Variants in PTPRD observed in about 807,000 individuals in gnomAD.
The protein encoded by PTPRD is protein tyrosine phosphatase receptor type D.
Under a neutral mutation model 214.5 loss-of-function variants are expected in PTPRD, and 34 were observed. That is an observed-to-expected ratio of 0.16 (90% CI 0.12 to 0.21). PTPRD has a LOEUF of 0.21. Among genes scored for constraint, PTPRD ranks in the 10% least tolerant of loss-of-function variants. The probability of loss-of-function intolerance (pLI) is 1.00; values close to 1 mark genes in which losing one functional copy is unlikely to be tolerated. For missense variants in PTPRD, 2,545 were observed against 2,398.7 expected, an observed-to-expected ratio of 1.06 and a Z score of -1.27; for synonymous variants, 1,128 against 845.7, an observed-to-expected ratio of 1.33 and a Z score of -5.79.
chr9:8,600,725 A>G (rs926856426), intron 14 of PTPRD, among the ~76,000 whole-genome samples: 2 of 151,846 alleles, frequency 1.3e-5, no homozygotes, highest in African/African-American at 2.4e-5. Flanking sequence ...CCTACTGACT[A>G]AAGAGCCCTT....
intron 10 of PTPRD, among the ~76,000 whole-genome samples, chr9:9,062,366 A>T (rs990713017): frequency 1.3e-5 from 2 of 152,210 alleles, no homozygotes; most frequent in Non-Finnish European, 2.9e-5. Context: ...TGGTGCAACT[A>T]ATAATTCATA....
At chr9:8,518,641 T>G (rs1347009172) in intron 20 of PTPRD, among the ~76,000 whole-genome samples, 1 of 152,354 alleles carries the variant, frequency 6.6e-6, no homozygotes, top group African/African-American at 2.4e-5. Flanking sequence ...AAGGGCTTGA[T>G]AGCATATTTT....
chr9:10,037,252 A>G (rs796097779), intron 3 of PTPRD, among the ~76,000 whole-genome samples: 54 of 152,242 alleles, frequency 3.5e-4, no homozygotes, highest in African/African-American at 1.3e-3. Flanking sequence ...ATATCAAATC[A>G]TAATCCTCAA....
At chr9:8,817,532 G>A (rs1322971271) in intron 11 of PTPRD, among the ~76,000 whole-genome samples, 1 of 152,128 alleles carries the variant, frequency 6.6e-6, no homozygotes, top group African/African-American at 2.4e-5. Flanking sequence ...TTGGGAGGCT[G>A]AGGTACAAAG....
intron 11 of PTPRD, among the ~76,000 whole-genome samples, chr9:8,749,624 G>A (rs555635813): frequency 1.3e-5 from 2 of 152,306 alleles, no homozygotes; most frequent in African/African-American, 4.8e-5. Flanking sequence ...AGACACTGTT[G>A]TTTGGGATTT....
At chr9:9,930,004 T>G (rs1019411967) in intron 5 of PTPRD, among the ~76,000 whole-genome samples, 2 of 151,970 alleles carry the variant, frequency 1.3e-5, no homozygotes, top group African/African-American at 2.4e-5. Context: ...AGTTCAGGAG[T>G]CAGATACTCA....
chr9:8,526,700 A>T, intron 16 of PTPRD, 56 bp from the exon 17 acceptor site: 2 of 1,450,840 alleles, frequency 1.4e-6, no homozygotes, highest in Non-Finnish European at 1.9e-6. Context: ...TTAGTACGAG[A>T]AGAAGGAGGC....
intron 12 of PTPRD, among the ~76,000 whole-genome samples, chr9:8,708,894 C>T (rs867942679): frequency 6.6e-6 from 1 of 152,008 alleles, no homozygotes; most frequent in African/African-American, 2.4e-5. Flanking sequence ...ATTATGTACA[C>T]AGTGAAATCC....
At chr9:8,581,398 G>A (rs540185236) in intron 14 of PTPRD, among the ~76,000 whole-genome samples, 1 of 152,134 alleles carries the variant, frequency 6.6e-6, no homozygotes, top group East Asian at 1.9e-4. Flanking sequence ...TAAACTTCCA[G>A]TGAGTCTGAT....
At chr9:9,317,048 G>T (rs548288666) in intron 9 of PTPRD, among the ~76,000 whole-genome samples, 1 of 151,870 alleles carries the variant, frequency 6.6e-6, no homozygotes, top group Non-Finnish European at 1.5e-5. Context: ...TTTTTTATTC[G>T]CATATACTGA....
intron 3 of PTPRD, among the ~76,000 whole-genome samples, chr9:10,176,712 G>A (rs940974425): frequency 4.6e-5 from 7 of 151,928 alleles, no homozygotes; most frequent in African/African-American, 1.7e-4. Flanking sequence ...CCATGTTTAT[G>A]AGCCGCACAG....
chr9:10,025,524 C>G (rs1254703323), intron 4 of PTPRD, among the ~76,000 whole-genome samples: 4 of 148,272 alleles, frequency 2.7e-5, no homozygotes, highest in African/African-American at 9.7e-5. Context: ...CCAGATTTTG[C>G]CAACTTTCAT....
chr9:10,150,234 T>C (rs1029972075), intron 3 of PTPRD, among the ~76,000 whole-genome samples: 2 of 152,112 alleles, frequency 1.3e-5, no homozygotes, highest in African/African-American at 4.8e-5. Flanking sequence ...AATGGTGAAA[T>C]ACAATGGCAA....
intron 7 of PTPRD, among the ~76,000 whole-genome samples, chr9:9,702,147 A>AG (rs2097518736): frequency 6.6e-6 from 1 of 152,128 alleles, no homozygotes. Flanking sequence ...AGAGAGAAAG[A>AG]AAGAGAGGAA....
chr9:8,490,929 G>T (rs2097136692), intron 27 of PTPRD, among the ~76,000 whole-genome samples: 1 of 152,148 alleles, frequency 6.6e-6, no homozygotes, highest in Admixed American at 6.5e-5. Flanking sequence ...ATGGTTATTA[G>T]GAGCTCACAT....
chr9:10,230,346 T>TTATCTTAATATAATGTGAAGATC (rs2099604339), intron 3 of PTPRD, among the ~76,000 whole-genome samples: 1 of 151,960 alleles, frequency 6.6e-6, no homozygotes, highest in African/African-American at 2.4e-5. Flanking sequence ...ATAATGTGTA[T>TTATCTTAATATAATGTGAAGATC]CCTTGATATC....
chr9:10,511,459 G>T (rs1411102339), intron 2 of PTPRD, among the ~76,000 whole-genome samples: 1 of 151,862 alleles, frequency 6.6e-6, no homozygotes, highest in Non-Finnish European at 1.5e-5. Context: ...GCTGTAGTGC[G>T]ATGGTGCTAT....
intron 9 of PTPRD, among the ~76,000 whole-genome samples, chr9:9,235,295 G>A (rs1238499943): frequency 6.6e-6 from 1 of 152,086 alleles, no homozygotes; most frequent in African/African-American, 2.4e-5. Flanking sequence ...GACAAATGTG[G>A]ATTATGGGAA....
intron 5 of PTPRD, among the ~76,000 whole-genome samples, chr9:9,900,670 C>G (rs564971764): frequency 1.1e-5 from 1 of 90,034 alleles, no homozygotes; most frequent in African/African-American, 7.7e-5. Flanking sequence ...TGGAGTCTTG[C>G]TCTGTTGCCA....
Sources: gnomAD v4.1 joint callset for allele counts (sites outside exome capture counted in the v4.1 genomes callset) on GRCh38, gnomAD v4.1.1 for gene constraint, MANE v1.5 for transcripts, NCBI Gene and HGNC (gene_info 2026-07-23, HGNC 2026-07-21) for gene names.